SPTBN1: variants seen among roughly 807,000 people sequenced by gnomAD.
SPTBN1 encodes spectrin beta, non-erythrocytic 1, also known as spectrin beta chain, non-erythrocytic 1.
Under a neutral mutation model 266.4 loss-of-function variants are expected in SPTBN1, and 32 were observed. That is an observed-to-expected ratio of 0.12 (90% CI 0.09 to 0.16). The LOEUF (loss-of-function observed/expected upper bound fraction) is 0.16. Among genes scored for constraint, SPTBN1 ranks in the 10% least tolerant of loss-of-function variants. SPTBN1 has a pLI of 1.00. For synonymous variants in SPTBN1, 1,336 were observed against 1,162.2 expected, an observed-to-expected ratio of 1.15 and a Z score of -3.04; for missense variants, 2,296 against 3,067.1, an observed-to-expected ratio of 0.75 and a Z score of 5.94.
chr2:54,637,184 G>T (rs1331894120), intron 17 of SPTBN1, among the ~76,000 whole-genome samples: 3 of 151,958 alleles, frequency 2.0e-5, no homozygotes, highest in African/African-American at 7.3e-5. Flanking sequence ...TTAAAAGTGG[G>T]ATTGAGTTAG....
chr2:54,461,323 GATTT>G (rs1260394467), intron 1 of SPTBN1, among the ~76,000 whole-genome samples: 7 of 152,268 alleles, frequency 4.6e-5, no homozygotes, highest in African/African-American at 1.7e-4. Flanking sequence ...ATTCTAACGT[GATTT>G]ATTTATTCAT....
chr2:54,586,416 T>C (rs906265005), intron 2 of SPTBN1, among the ~76,000 whole-genome samples: 14 of 152,250 alleles, frequency 9.2e-5, no homozygotes, highest in African/African-American at 3.4e-4. Context: ...ATAATTCCTC[T>C]TCTCATTAAG....
At chr2:54,617,488 A>G in intron 5 of SPTBN1, 120 bp from the exon 6 acceptor site, 1 of 768,442 alleles carries the variant, frequency 1.3e-6, no homozygotes, top group Non-Finnish European at 2.1e-6. Flanking sequence ...GTCCTTAGTG[A>G]TATTCACTGC....
At chr2:54,657,004 A>T (rs1680711583) in intron 29 of SPTBN1, among the ~76,000 whole-genome samples, 1 of 152,254 alleles carries the variant, frequency 6.6e-6, no homozygotes, top group Non-Finnish European at 1.5e-5. Context: ...CTGAAAGCAG[A>T]TAGCTAGCCA....
intron 3 of SPTBN1, among the ~76,000 whole-genome samples, 171 bp downstream of exon 3, chr2:54,599,414 C>T (rs576930407): frequency 7.2e-5 from 11 of 152,244 alleles, no homozygotes; most frequent in East Asian, 1.9e-4. Flanking sequence ...ACATTCTGAG[C>T]GTGGATGATG....
At chr2:54,660,241 A>C in intron 32 of SPTBN1, 1 of 1,380,464 alleles carries the variant, frequency 7.2e-7, no homozygotes, top group East Asian at 2.6e-5. Flanking sequence ...TGAGTCTCTT[A>C]ACTGATGGAT....
chr2:54,564,386 G>A (rs553364923), intron 2 of SPTBN1, among the ~76,000 whole-genome samples: 1 of 152,272 alleles, frequency 6.6e-6, no homozygotes, highest in East Asian at 1.9e-4. Flanking sequence ...CTTGGAAAAA[G>A]GGGTCTGCAC....
chr2:54,485,503 C>T (rs1247191224), intron 1 of SPTBN1, among the ~76,000 whole-genome samples: 1 of 152,228 alleles, frequency 6.6e-6, no homozygotes, highest in East Asian at 1.9e-4. Context: ...CTCAATGGTG[C>T]CCAGGCTGGA....
At chr2:54,463,550 A>T (rs1165774835) in intron 1 of SPTBN1, among the ~76,000 whole-genome samples, 1 of 152,226 alleles carries the variant, frequency 6.6e-6, no homozygotes, top group Non-Finnish European at 1.5e-5. Context: ...AACTGCCTAG[A>T]CTTCTTTGTG....
At chr2:54,607,538 C>G (rs1018610153) in intron 3 of SPTBN1, among the ~76,000 whole-genome samples, 1 of 152,144 alleles carries the variant, frequency 6.6e-6, no homozygotes. Flanking sequence ...AGGAGAATCT[C>G]TTGAACCCAG....
chr2:54,621,638 C>T (rs1220957805), intron 8 of SPTBN1, 126 bp downstream of exon 8: 2 of 645,940 alleles, frequency 3.1e-6, no homozygotes, highest in Admixed American at 2.4e-5. Context: ...GTAGGGAAAT[C>T]GGCAGAAGCC....
intron 1 of SPTBN1, among the ~76,000 whole-genome samples, chr2:54,474,395 C>G (rs777226141): frequency 1.7e-4 from 25 of 150,818 alleles, no homozygotes; most frequent in Non-Finnish European, 4.4e-5. Context: ...GTGCCTGGGT[C>G]TAAAACCTGA....
chr2:54,661,700 G>A, intron 32 of SPTBN1: 1 of 985,620 alleles, frequency 1.0e-6, no homozygotes, highest in Non-Finnish European at 1.2e-6. Context: ...TACATTTTGT[G>A]TTTCATTGAT....
At chr2:54,529,510 G>T (rs890276844) in intron 2 of SPTBN1, 2 of 712,944 alleles carry the variant, frequency 2.8e-6, no homozygotes, top group Non-Finnish European at 5.2e-6. Context: ...TGAGACTCTG[G>T]AGGCCGCCCA....
At position 54,629,424 on chromosome 2, in the gene SPTBN1, C is replaced by G. The variant is rs1257545966; in HGVS notation, c.2290C>G (p.Leu764Val). The part of the protein sequence containing the change: ...DDIDAWMLDI[L>V]KIVSSSDVGH... ...CATTGATGCCTGGATGCTGGACATC[C>G]TCAAGATTGTCTCCAGCAGCGACGT... Residue 764 changes from leucine (L) to valine (V), a missense_variant, in exon 14 of 36, where the codon CTC (leucine) becomes GTC (valine). Leu to Val is a conservative substitution (Grantham distance 32, BLOSUM62 1). Transcript: ENST00000356805. 1.9e-6 allele frequency: 3 copies of G among 1,614,164 alleles called. No individual in the cohort carries two copies. Among genetic ancestry groups the G allele is most frequent in the Non-Finnish European group, 2.5e-6 (3 of 1,180,036 alleles).
chr2:54,519,334 CT>C (rs1469003022), intron 1 of SPTBN1, among the ~76,000 whole-genome samples: 1 of 152,188 alleles, frequency 6.6e-6, no homozygotes, highest in African/African-American at 2.4e-5. Context: ...ATGAAGCAGT[CT>C]TTTAATGATA....
intron 1 of SPTBN1, among the ~76,000 whole-genome samples, chr2:54,524,573 C>A (rs928694903): frequency 6.6e-6 from 1 of 152,194 alleles, no homozygotes; most frequent in Non-Finnish European, 1.5e-5. Context: ...GGAGTAGCCT[C>A]CCAAGTGGCC....
Position 54,521,213 on chromosome 2 carries a change from A to G in SPTBN1, c.-47-5159A>G, listed in dbSNP as rs145742669. ...TAGCATGCTGGAGTTTGGAGTCTCCATGCCATGGGCACACTCTTCCATACT... is the reference window on the plus strand; with the variant it reads ...TAGCATGCTGGAGTTTGGAGTCTCCGTGCCATGGGCACACTCTTCCATACT... On this transcript the variant is annotated intron_variant, in intron 1 of 35. Transcript: ENST00000356805. 2.3e-4 allele frequency among the ~76,000 whole-genome samples: 35 copies of G among 152,204 alleles called. No individual in the cohort carries two copies. In the East Asian group the frequency reaches 6.6e-3, roughly 29 times the overall value.
At chr2:54,598,263 C>A (rs1392270464) in intron 2 of SPTBN1, among the ~76,000 whole-genome samples, 1 of 152,198 alleles carries the variant, frequency 6.6e-6, no homozygotes, top group Non-Finnish European at 1.5e-5. Context: ...ACGCTTTAGA[C>A]CATAAATCAG....
Sources: gnomAD v4.1 joint callset for allele counts (sites outside exome capture counted in the v4.1 genomes callset) on GRCh38, gnomAD v4.1.1 for gene constraint, MANE v1.5 for transcripts, NCBI Gene and HGNC (gene_info 2026-07-23, HGNC 2026-07-21) for gene names.